The following SAMSN1 variants were observed in gnomAD, a reference collection of about 807,000 sequenced individuals.
The protein encoded by SAMSN1 is SAM domain, SH3 domain and nuclear localization signals 1, also known as SAM domain-containing protein SAMSN-1.
SAMSN1 carries 31 observed loss-of-function variants against 42.0 expected under a neutral mutation model. The ratio of observed to expected loss-of-function variants is 0.74; its 90% CI spans 0.55 to 1.00. The LOEUF (loss-of-function observed/expected upper bound fraction) is 1.00. SAMSN1 is among the 50% of genes least tolerant of loss of function. SAMSN1 has a pLI of 0.00. For synonymous variants in SAMSN1, 178 were observed against 151.9 expected (o/e 1.17, Z -1.26); for missense variants, 464 against 439.4 (o/e 1.06, Z -0.50).
chr21:14,626,973 T>G (rs1379462274), intron 2 of SAMSN1, among the ~76,000 whole-genome samples: 1 of 152,182 alleles, frequency 6.6e-6, no homozygotes. Context: ...TCATGTCCTT[T>G]GTAGGGACAT....
At chr21:14,553,623 C>T (rs1043866416) in intron 2 of SAMSN1, among the ~76,000 whole-genome samples, 1 of 152,068 alleles carries the variant, frequency 6.6e-6, no homozygotes, top group African/African-American at 2.4e-5. Context: ...AGAAAAAGGG[C>T]ACTTACATCC....
At chr21:14,640,328 G>C (rs927983561) in intron 2 of SAMSN1, among the ~76,000 whole-genome samples, 1 of 152,158 alleles carries the variant, frequency 6.6e-6, no homozygotes, top group Admixed American at 6.5e-5. Context: ...TTTGGTTCTA[G>C]AGATTTTGGG....
At chr21:14,600,134 T>A (rs776068131) in intron 6 of SAMSN1, among the ~76,000 whole-genome samples, 1 of 152,148 alleles carries the variant, frequency 6.6e-6, no homozygotes, top group Non-Finnish European at 1.5e-5. Context: ...AGTCATTTGT[T>A]CACTGATGGA....
chr21:14,546,754 G>A (rs1010293568), upstream of SAMSN1, among the ~76,000 whole-genome samples: 3 of 151,616 alleles, frequency 2.0e-5, no homozygotes, highest in Admixed American at 6.6e-5. Flanking sequence ...CTGTCACCCA[G>A]GCTAGAGTGC....
intron 7 of SAMSN1, among the ~76,000 whole-genome samples, chr21:14,590,780 T>C (rs1015285085): frequency 6.6e-6 from 1 of 152,190 alleles, no homozygotes; most frequent in Non-Finnish European, 1.5e-5. Context: ...TTTTAAATGT[T>C]GAATTATTAA....
chr21:14,555,369 A>G (rs1980731982), intron 2 of SAMSN1, among the ~76,000 whole-genome samples: 1 of 152,152 alleles, frequency 6.6e-6, no homozygotes. Flanking sequence ...TTTGCCAACT[A>G]CATTCCTTCA....
chr21:14,658,396 A>T (rs2123405677), intron 1 of SAMSN1, among the ~76,000 whole-genome samples: 1 of 152,064 alleles, frequency 6.6e-6, no homozygotes, highest in South Asian at 2.1e-4. Context: ...CTCAAAGCAA[A>T]GCAAGCAACA....
chr21:14,601,503 C>T (rs1982430633), intron 6 of SAMSN1, among the ~76,000 whole-genome samples: 1 of 152,184 alleles, frequency 6.6e-6, no homozygotes, highest in African/African-American at 2.4e-5. Flanking sequence ...TATCAAAAGT[C>T]AGTCTGATGC....
At chr21:14,545,017 T>G (rs189076099) in intron 1 of SAMSN1, among the ~76,000 whole-genome samples, 2 of 152,264 alleles carry the variant, frequency 1.3e-5, no homozygotes, top group Admixed American at 6.5e-5. Flanking sequence ...TGGAAAATGT[T>G]ACTTTGAGTT....
rs565797688 is a variant in SAMSN1, at chr21:14,654,605, C to T, written c.24+4143G>A. ...GAGGGCTGAAAAAAGCTTCTGCCAACAGCTGCTAGGGCTCTTGCTTACAAG... is the reference window on the plus strand; with the variant it reads ...GAGGGCTGAAAAAAGCTTCTGCCAATAGCTGCTAGGGCTCTTGCTTACAAG... On this transcript the variant is annotated intron_variant, in intron 1 of 15. Transcript: ENST00000647101. Among the ~76,000 whole-genome samples the T allele has an allele frequency of 3.9e-5, 6 of 152,088 alleles. No individual in the cohort carries two copies. In the East Asian group the frequency reaches 1.2e-3, roughly 29 times the overall value.
At chr21:14,514,321 T>A (rs763884096) in intron 3 of SAMSN1, among the ~76,000 whole-genome samples, 2 of 152,206 alleles carry the variant, frequency 1.3e-5, no homozygotes, top group Non-Finnish European at 2.9e-5. Context: ...TTTCTACTCT[T>A]TTTCTTGGGA....
chr21:14,652,076 C>A lies in SAMSN1; in HGVS notation c.24+6672G>T, dbSNP rs187334729. Among the ~76,000 whole-genome samples the A allele has an allele frequency of 1.5e-3, 184 of 126,726 alleles. 1 individual carries two copies. Among genetic ancestry groups the A allele is most frequent in the African/African-American group, 5.0e-3 (181 of 36,440 alleles). The allele number at this position is 126,726 out of a possible 152,430, so 83.1% of individuals were successfully genotyped here. A position where few individuals can be genotyped will look rare whatever the true frequency, so the allele number is the denominator to read the frequency against. ...GATTTATTGAAAAATAATATAGGTT[C>A]ATGGATTGAAAGACAATTTTGTTAA... On this transcript the variant is annotated intron_variant, in intron 1 of 15. Coordinates refer to the SAMSN1 transcript ENST00000647101.
At chr21:14,649,507 C>T (rs1600984355) in intron 1 of SAMSN1, among the ~76,000 whole-genome samples, 1 of 151,946 alleles carries the variant, frequency 6.6e-6, no homozygotes, top group Non-Finnish European at 1.5e-5. Context: ...CAGTGGGTCA[C>T]ATCTGTGATC....
intron 1 of SAMSN1, among the ~76,000 whole-genome samples, chr21:14,529,534 A>T (rs1979102345): frequency 6.6e-6 from 1 of 152,256 alleles, no homozygotes; most frequent in African/African-American, 2.4e-5. Context: ...TAACATAAAT[A>T]CACTAAGTGG....
intron 2 of SAMSN1, among the ~76,000 whole-genome samples, chr21:14,572,314 T>C (rs1981326007): frequency 6.6e-6 from 1 of 152,152 alleles, no homozygotes; most frequent in Admixed American, 6.5e-5. Context: ...ATTTGGTAGA[T>C]AAGAAACTGA....
chr21:14,554,181 T>C (rs1035416888), intron 2 of SAMSN1, among the ~76,000 whole-genome samples: 1 of 152,190 alleles, frequency 6.6e-6, no homozygotes, highest in Non-Finnish European at 1.5e-5. Flanking sequence ...CATTCTGTTC[T>C]TAAGTTTTGG....
chr21:14,629,543 T>G (rs1002667922), intron 2 of SAMSN1, among the ~76,000 whole-genome samples: 3 of 152,354 alleles, frequency 2.0e-5, no homozygotes, highest in East Asian at 3.9e-4. Context: ...TGCCAGCCTG[T>G]CCAGCTCCTG....
At chr21:14,637,312 A>G (rs1468327686) in intron 2 of SAMSN1, among the ~76,000 whole-genome samples, 3 of 152,250 alleles carry the variant, frequency 2.0e-5, no homozygotes, top group Non-Finnish European at 2.9e-5. Context: ...GTGTTAGTTT[A>G]GAAACAAGCA....
chr21:14,552,343 G>C (rs1431808182), intron 2 of SAMSN1, among the ~76,000 whole-genome samples: 1 of 152,116 alleles, frequency 6.6e-6, no homozygotes, highest in African/African-American at 2.4e-5. Context: ...CTGAATGTTT[G>C]TGTGGTCCCA....
Sources: gnomAD v4.1 joint callset for allele counts (sites outside exome capture counted in the v4.1 genomes callset) on GRCh38, gnomAD v4.1.1 for gene constraint, MANE v1.5 for transcripts, NCBI Gene and HGNC (gene_info 2026-07-23, HGNC 2026-07-21) for gene names.